ATR: variants seen among roughly 807,000 people sequenced by gnomAD.
ATR encodes the protein serine/threonine-protein kinase ATR.
ATR carries 142 observed loss-of-function variants against 305.3 expected under a neutral mutation model. The ratio of observed to expected loss-of-function variants is 0.47; its 90% CI spans 0.41 to 0.53. The LOEUF (loss-of-function observed/expected upper bound fraction) is 0.53, where lower values mean the gene tolerates loss of function less well. ATR is among the 20% of genes least tolerant of loss of function. ATR has a pLI of 0.00. For missense variants in ATR, 2,135 were observed against 3,133.1 expected (o/e 0.68, Z 7.60); for synonymous variants, 1,050 against 1,068.1 (o/e 0.98, Z 0.33).
At chr3:142,503,644 T>C (rs897863365) in intron 29 of ATR, among the ~76,000 whole-genome samples, 191 bp from the exon 30 acceptor site, 5 of 152,104 alleles carry the variant, frequency 3.3e-5, no homozygotes, top group African/African-American at 4.8e-5. Flanking sequence ...CTCAAACTCC[T>C]GGGCTCAAGT....
rs2071165976 is a variant in ATR, at chr3:142,467,850, T to C, written c.6687+84A>G. On this transcript the variant is annotated intron_variant, in intron 39 of 46. Coordinates refer to ENST00000350721, the MANE Select transcript of ATR (RefSeq NM_001184.4). ...TACACCTATAGTTAGAATTTTAATT[T>C]AATTAATCAAATGAAAAAATCTGCT... 12 of 1,493,576 alleles carry C rather than the reference T, an allele frequency of 8.0e-6. 1 individual carries two copies. Among genetic ancestry groups the C allele is most frequent in the Non-Finnish European group, 1.0e-5 (11 of 1,094,664 alleles). The allele number at this position is 1,493,576 out of a possible 1,614,324, so 92.5% of individuals were successfully genotyped here. A position where few individuals can be genotyped will look rare whatever the true frequency, so the allele number is the denominator to read the frequency against.
intron 1 of ATR, 135 bp downstream of exon 1, chr3:142,578,511 G>T: frequency 1.9e-6 from 2 of 1,040,420 alleles, no homozygotes; most frequent in South Asian, 3.4e-5. Context: ...AATCAGCCAC[G>T]GAGCATCTCC....
intron 35 of ATR, among the ~76,000 whole-genome samples, chr3:142,492,219 T>G (rs1369994902): frequency 6.6e-6 from 1 of 152,190 alleles, no homozygotes; most frequent in African/African-American, 2.4e-5. Context: ...TTTTAAGGTC[T>G]TTACTGAATG....
intron 3 of ATR, among the ~76,000 whole-genome samples, chr3:142,563,742 T>C (rs112257272): frequency 6.6e-6 from 1 of 152,196 alleles, no homozygotes; most frequent in Non-Finnish European, 1.5e-5. Flanking sequence ...TTAAGCCTAC[T>C]GAGGAAGGCA....
chr3:142,521,933 T>C (rs1436095652), intron 23 of ATR, among the ~76,000 whole-genome samples: 2 of 152,224 alleles, frequency 1.3e-5, no homozygotes, highest in Admixed American at 6.5e-5. Context: ...AGAGGACTCA[T>C]TCAAATTTTG....
chr3:142,548,762 T>A (rs1461953731), intron 15 of ATR, among the ~76,000 whole-genome samples: 1 of 152,188 alleles, frequency 6.6e-6, no homozygotes, highest in Non-Finnish European at 1.5e-5. Flanking sequence ...TTAGCTCAAT[T>A]TCTGACATGT....
At position 142,524,109 on chromosome 3, in the gene ATR, C is replaced by T. The variant is rs755061724; in HGVS notation, c.4036G>A (p.Ala1346Thr). Residue 1346 changes from alanine to threonine, a missense_variant, in exon 22 of 47, where the codon GCA (alanine) becomes ACA (threonine). Transcript: ENST00000350721. Reference sequence around the variant, plus strand: ...CAGAGCAACCGAGCTTGAGAGTTTGCATCTTGGCAACCTTTCAAAAGCACT... The same window carrying T: ...CAGAGCAACCGAGCTTGAGAGTTTGTATCTTGGCAACCTTTCAAAAGCACT... ...VTVLLKGCQD[A>T]NSQARLLCGE... The T allele has an allele frequency of 6.2e-7, 1 of 1,614,084 alleles. No homozygotes were observed. The highest frequency in any genetic ancestry group is 8.5e-7 in the Non-Finnish European group (1 of 1,179,968).
At position 142,561,371 on chromosome 3, in the gene ATR, G is replaced by T. The variant is rs771710840; in HGVS notation, c.1221C>A (p.Ile407=). The change falls in exon 5 of 47, where the codon ATC becomes ATA. Residue 407 remains isoleucine, a synonymous_variant. Transcript: ENST00000350721. Reference sequence around the variant, plus strand: ...GAGTTTGGCATTGAATCTCCTCAATGATTTCCATACTTTCCATTTTCAAAG... The same window carrying T: ...GAGTTTGGCATTGAATCTCCTCAATTATTTCCATACTTTCCATTTTCAAAG... ...YAALKMESME[I]IEEIQCQTQQ... 6.2e-7 allele frequency: 1 copy of T among 1,613,972 alleles called. No individual in the cohort carries two copies. The highest frequency in any genetic ancestry group is 2.2e-5 in the East Asian group (1 of 44,872).
chr3:142,541,197 TTA>T lies in ATR; in HGVS notation c.3451-165_3451-164del, dbSNP rs2034038838. Among the ~76,000 whole-genome samples, 2 of 152,224 alleles carry T rather than the reference TTA, an allele frequency of 1.3e-5. 1 individual carries two copies. Among genetic ancestry groups the T allele is most frequent in the South Asian group, 4.1e-4 (2 of 4,834 alleles). On this transcript the variant is annotated intron_variant, in intron 17 of 46. Coordinates refer to ENST00000350721, the MANE Select transcript of ATR (RefSeq NM_001184.4). ...TGGCCAGTTTGTTTTGTCCAATTGC[TTA>T]TGTCTTATGTGGTAATTATAAATTT... is the stretch of plus-strand genomic sequence containing the variant.
At position 142,476,470 on chromosome 3, in the gene ATR, A is replaced by G. The variant is rs533340156; in HGVS notation, c.6222-6287T>C. Among the ~76,000 whole-genome samples, 21 of 152,304 alleles carry G rather than the reference A, an allele frequency of 1.4e-4. No individual in the cohort carries two copies. The East Asian group carries it at 3.9e-3, about 28-fold the overall frequency. On this transcript the variant is annotated intron_variant, in intron 36 of 46. Transcript: ENST00000350721. ...TGGTCTATATCTCTGTTTTGGTACC[A>G]GTACCATGCTGTTTTGGTTACTGTA...
intron 6 of ATR, 143 bp from the exon 7 acceptor site, chr3:142,559,584 A>C (rs986664146): frequency 2.5e-6 from 2 of 795,778 alleles, no homozygotes; most frequent in Non-Finnish European, 4.1e-6. Context: ...AAATCAAGTA[A>C]TATGTTATTA....
chr3:142,488,654 A>C (rs1249233517), intron 35 of ATR, among the ~76,000 whole-genome samples: 1 of 152,228 alleles, frequency 6.6e-6, no homozygotes, highest in African/African-American at 2.4e-5. Context: ...AACACGGTAA[A>C]GGGTAGATAT....
Position 142,452,589 on chromosome 3 carries a change from G to T in ATR, c.7761+539C>A, listed in dbSNP as rs527580817. On this transcript the variant is annotated intron_variant, in intron 46 of 46. Coordinates refer to ENST00000350721, the MANE Select transcript of ATR (RefSeq NM_001184.4). ...CTTGGGAGGCTAAGGCAGGAGAACT[G>T]CTTGAACCCAGGAGGCAGAGGTTGC... The T allele has an allele frequency of 2.6e-5, 19 of 720,646 alleles. No homozygotes were observed. In the African/African-American group the frequency reaches 3.3e-4, roughly 13 times the overall value. 44.6% of individuals were successfully genotyped at this position (720,646 alleles called of 1,614,324 possible).
chr3:142,577,004 C>T (rs1228853698), intron 1 of ATR, among the ~76,000 whole-genome samples: 1 of 152,172 alleles, frequency 6.6e-6, no homozygotes, highest in Non-Finnish European at 1.5e-5. Flanking sequence ...CTGTTATCTG[C>T]TAGCTGTGCC....
intron 46 of ATR, chr3:142,451,122 G>A: frequency 1.6e-6 from 2 of 1,261,598 alleles, no homozygotes; most frequent in Non-Finnish European, 1.0e-6. Context: ...CTGCTCAGGT[G>A]TAATTCCCTC....
At chr3:142,560,544 A>G in intron 5 of ATR, 90 bp from the exon 6 acceptor site, 2 of 1,300,620 alleles carry the variant, frequency 1.5e-6, no homozygotes, top group Non-Finnish European at 2.1e-6. Flanking sequence ...CATACTATGT[A>G]ATATCAACTA....
At chr3:142,528,879 A>ATATATATATATATATTTTTTT in intron 21 of ATR, among the ~76,000 whole-genome samples, 1 of 30,488 alleles carries the variant, frequency 3.3e-5, no homozygotes, top group Non-Finnish European at 5.0e-5. Flanking sequence ...ATATATATAT[A>ATATATATATATATATTTTTTT]TTTTTTTTTT....
chr3:142,456,424 CAG>C (rs887084825), intron 45 of ATR, among the ~76,000 whole-genome samples: 4 of 152,146 alleles, frequency 2.6e-5, no homozygotes, highest in African/African-American at 9.6e-5. Flanking sequence ...AAGAATCAGC[CAG>C]ACATAGTGGC....
At chr3:142,512,552 A>G in intron 26 of ATR, 82 bp from the exon 27 acceptor site, 2 of 1,215,072 alleles carry the variant, frequency 1.6e-6, no homozygotes, top group Non-Finnish European at 2.2e-6. Context: ...TAACCATTCT[A>G]AGGCAAAAAT....
Sources: gnomAD v4.1 joint callset for allele counts (sites outside exome capture counted in the v4.1 genomes callset) on GRCh38, gnomAD v4.1.1 for gene constraint, MANE v1.5 for transcripts, NCBI Gene and HGNC (gene_info 2026-07-23, HGNC 2026-07-21) for gene names.